TMTC1: variants seen among roughly 807,000 people sequenced by gnomAD.
The protein encoded by TMTC1 is transmembrane O-mannosyltransferase targeting cadherins 1.
A neutral mutation model predicts 104.8 loss-of-function variants in TMTC1; 73 were observed. The observed-to-expected ratio is 0.70, with a 90% CI of 0.58 to 0.85. TMTC1 has a LOEUF of 0.85. Among genes scored for constraint, TMTC1 ranks in the 40% least tolerant of loss-of-function variants. The probability of loss-of-function intolerance (pLI) is 0.00; values close to 1 mark genes in which losing one functional copy is unlikely to be tolerated. For missense variants in TMTC1, 1,035 were observed against 1,096.1 expected (o/e 0.94, Z 0.79); for synonymous variants, 434 against 428.7 (o/e 1.01, Z -0.15).
At chr12:29,669,231 T>C (rs1454314700) in intron 5 of TMTC1, among the ~76,000 whole-genome samples, 1 of 152,048 alleles carries the variant, frequency 6.6e-6, no homozygotes, top group Admixed American at 6.6e-5. Flanking sequence ...AGGGAGAAAG[T>C]GAAAGAAGTC....
chr12:29,565,350 A>G (rs1445957658), intron 9 of TMTC1, among the ~76,000 whole-genome samples: 1 of 152,150 alleles, frequency 6.6e-6, no homozygotes, highest in Non-Finnish European at 1.5e-5. Flanking sequence ...ATCTAGAATA[A>G]TGTTTTACCA....
At chr12:29,713,357 A>G (rs1941990009) in intron 5 of TMTC1, among the ~76,000 whole-genome samples, 1 of 151,758 alleles carries the variant, frequency 6.6e-6, no homozygotes, top group Non-Finnish European at 1.5e-5. Flanking sequence ...AGAGAGAGAG[A>G]GAGATCCTAT....
chr12:29,575,996 G>A (rs1015082656), intron 8 of TMTC1, among the ~76,000 whole-genome samples: 1 of 152,166 alleles, frequency 6.6e-6, no homozygotes, highest in African/African-American at 2.4e-5. Context: ...CTGATGATTA[G>A]TGATGCTGAG....
intron 5 of TMTC1, among the ~76,000 whole-genome samples, chr12:29,750,288 A>T (rs1943058734): frequency 6.6e-6 from 1 of 152,098 alleles, no homozygotes; most frequent in African/African-American, 2.4e-5. Context: ...ATTCAGGAGG[A>T]TTTGGAAGCC....
rs1008944771 is a variant in TMTC1 at position 29,700,650 on chromosome 12, A to T, written c.938+51016T>A. Among the ~76,000 whole-genome samples the T allele has an allele frequency of 5.3e-5, 8 of 152,200 alleles. No homozygotes were observed. The South Asian group carries it at 1.7e-3, about 32-fold the overall frequency. On this transcript the variant is annotated intron_variant, in intron 5 of 17. Transcript: ENST00000539277. ...TTTGATGATAGCATGGCTTACTAACATAGCACCCTATTCATAGAACTCCTC... is the reference window on the plus strand; with the variant it reads ...TTTGATGATAGCATGGCTTACTAACTTAGCACCCTATTCATAGAACTCCTC...
chr12:29,624,031 G>A (rs1482623055), intron 6 of TMTC1, among the ~76,000 whole-genome samples: 1 of 151,970 alleles, frequency 6.6e-6, no homozygotes, highest in East Asian at 1.9e-4. Flanking sequence ...CCTGGCTGGA[G>A]CACAGTGGCA....
chr12:29,587,010 G>A (rs1303895036), intron 7 of TMTC1, among the ~76,000 whole-genome samples: 2 of 152,142 alleles, frequency 1.3e-5, no homozygotes, highest in African/African-American at 4.8e-5. Flanking sequence ...AGAAGGAATG[G>A]TACCAGCTCC....
At chr12:29,686,270 C>T (rs749286222) in intron 5 of TMTC1, among the ~76,000 whole-genome samples, 2 of 152,152 alleles carry the variant, frequency 1.3e-5, no homozygotes, top group Non-Finnish European at 2.9e-5. Flanking sequence ...ACCCCTAATA[C>T]TGAAACTCCA....
At position 29,755,825 on chromosome 12, in the gene TMTC1, CAAG is replaced by C; in HGVS notation, c.612_614del (p.Phe204del). ...AGGTCCCCAGAAACAAACTGAGCAG[CAAG>C]AAGAAGGGAGACACCGTGGAAGGGA... On this transcript the variant is annotated inframe_deletion, in exon 4 of 18. Transcript: ENST00000539277. The C allele has an allele frequency of 6.2e-7, 1 of 1,614,162 alleles. No homozygotes were observed. The highest frequency in any genetic ancestry group is 8.5e-7 in the Non-Finnish European group (1 of 1,180,006).
chr12:29,554,882 C>T (rs1025988096), intron 10 of TMTC1, among the ~76,000 whole-genome samples: 18 of 152,156 alleles, frequency 1.2e-4, no homozygotes, highest in African/African-American at 4.3e-4. Flanking sequence ...TATAAAGAAG[C>T]ACACCGAATG....
At chr12:29,605,571 T>TAAAAAAAAAAAA (rs34353381) in intron 6 of TMTC1, among the ~76,000 whole-genome samples, 2 of 101,888 alleles carry the variant, frequency 2.0e-5, no homozygotes, top group Non-Finnish European at 4.1e-5. Flanking sequence ...CCAAAAAGGG[T>TAAAAAAAAAAAA]AAAAAAAAAA....
At chr12:29,739,271 G>C (rs1211018591) in intron 5 of TMTC1, among the ~76,000 whole-genome samples, 2 of 151,900 alleles carry the variant, frequency 1.3e-5, no homozygotes, top group East Asian at 3.9e-4. Flanking sequence ...TGAGCTGCTT[G>C]CTCATAGTTG....
intron 7 of TMTC1, among the ~76,000 whole-genome samples, chr12:29,592,819 A>G (rs895368579): frequency 6.6e-6 from 1 of 152,244 alleles, no homozygotes; most frequent in Non-Finnish European, 1.5e-5. Context: ...TAAACATTAT[A>G]CTATAATGAT....
intron 5 of TMTC1, chr12:29,640,414 A>G (rs552053442): frequency 6.6e-6 from 1 of 152,136 alleles, no homozygotes; most frequent in East Asian, 1.9e-4. Context: ...GGACCCACAG[A>G]CCCTCTTAAG....
Position 29,710,829 on chromosome 12 carries a change from AATATAAATATATTAATAAT to A in TMTC1, c.938+40818_938+40836del, listed in dbSNP as rs1448037001. ...TTTATATATAATATAATGTTTATAT[AATATAAATATATTAATAAT>A]ATATAAATATATTAATTATATTATT... On this transcript the variant is annotated intron_variant, in intron 5 of 17. Coordinates refer to ENST00000539277, the MANE Select transcript of TMTC1 (RefSeq NM_001193451.2). Among the ~76,000 whole-genome samples the A allele has an allele frequency of 1.0e-4, 14 of 136,684 alleles. No homozygotes were observed. In the South Asian group the frequency reaches 2.1e-3, roughly 21 times the overall value. 89.7% of individuals were successfully genotyped at this position (136,684 alleles called of 152,430 possible).
At chr12:29,682,382 G>A (rs184825841) in intron 5 of TMTC1, among the ~76,000 whole-genome samples, 1 of 152,146 alleles carries the variant, frequency 6.6e-6, no homozygotes, top group Admixed American at 6.6e-5. Flanking sequence ...GCACTCCTGG[G>A]CACTTATCCC....
At chr12:29,683,643 A>G (rs749818355) in intron 5 of TMTC1, among the ~76,000 whole-genome samples, 4 of 152,216 alleles carry the variant, frequency 2.6e-5, no homozygotes, top group Non-Finnish European at 5.9e-5. Context: ...ATGCGACTGT[A>G]TAATTTTCTC....
chr12:29,680,097 G>A (rs1252494735), intron 5 of TMTC1, among the ~76,000 whole-genome samples: 1 of 152,140 alleles, frequency 6.6e-6, no homozygotes, highest in Non-Finnish European at 1.5e-5. Flanking sequence ...AAGTAATTAC[G>A]CTGGTGTCGT....
chr12:29,603,097 A>T (rs1946609730), intron 7 of TMTC1, among the ~76,000 whole-genome samples: 1 of 152,166 alleles, frequency 6.6e-6, no homozygotes, highest in South Asian at 2.1e-4. Flanking sequence ...TTCTGTCCTT[A>T]TTGAATAGTA....
Sources: gnomAD v4.1 joint callset for allele counts (sites outside exome capture counted in the v4.1 genomes callset) on GRCh38, gnomAD v4.1.1 for gene constraint, MANE v1.5 for transcripts, NCBI Gene and HGNC (gene_info 2026-07-23, HGNC 2026-07-21) for gene names.